PIKFYVE: variants seen among roughly 807,000 people sequenced by gnomAD.
The protein encoded by PIKFYVE is 1-phosphatidylinositol 3-phosphate 5-kinase.
In PIKFYVE, 122 loss-of-function variants were observed where a neutral mutation model predicts 257.9. That is an observed-to-expected ratio of 0.47 (90% CI 0.41 to 0.55). The LOEUF is 0.55. Ranked by LOEUF, PIKFYVE falls within the 20% of genes least tolerant of loss-of-function variation. The pLI is 0.00. For synonymous variants in PIKFYVE, 892 were observed against 868.9 expected (o/e 1.03, Z -0.47); for missense variants, 2,160 against 2,536.6 (o/e 0.85, Z 3.19).
chr2:208,323,128 A>G (rs1696487085), intron 17 of PIKFYVE, among the ~76,000 whole-genome samples: 1 of 147,956 alleles, frequency 6.8e-6, no homozygotes, highest in African/African-American at 2.5e-5. Context: ...GTAGTAGTAT[A>G]CTTTAAGTTT....
At chr2:208,318,820 G>A (rs192435194) in intron 16 of PIKFYVE, among the ~76,000 whole-genome samples, 16 of 152,100 alleles carry the variant, frequency 1.1e-4, no homozygotes, top group Non-Finnish European at 5.9e-5. Context: ...GCGTGGTGGC[G>A]TGTGCCTGTA....
In PIKFYVE at chr2:208,357,131, A is replaced by G. The variant is rs886055545; in HGVS notation, c.*1826A>G. 1 of 152,242 alleles carries G rather than the reference A, an allele frequency of 6.6e-6. No individual in the cohort carries two copies. Among genetic ancestry groups the G allele is most frequent in the Non-Finnish European group, 1.5e-5 (1 of 68,044 alleles). 9.4% of individuals were successfully genotyped at this position (152,242 alleles called of 1,614,324 possible). The stretch of plus-strand genomic sequence containing the variant: ...CCTTTTGAAGATACACAAAACACTG[A>G]GGATTTTAGTTTTGAAATCAAAGAC... On this transcript the variant is annotated 3_prime_UTR_variant, in exon 42 of 42. Transcript: ENST00000264380.
At chr2:208,329,234 A>G (rs1697254656) in intron 21 of PIKFYVE, among the ~76,000 whole-genome samples, 1 of 152,140 alleles carries the variant, frequency 6.6e-6, no homozygotes, top group Admixed American at 6.5e-5. Flanking sequence ...TTAATTTTGG[A>G]TAACTGAAAC....
In PIKFYVE at chr2:208,335,311, C is replaced by T; in HGVS notation, c.4148C>T (p.Ser1383Phe). The change falls in exon 25 of 42, where the codon TCT becomes TTT. Residue 1383 changes from serine to phenylalanine, a missense_variant. Ser to Phe is a radical substitution (Grantham distance 155, BLOSUM62 -2). This residue lies in a region of PIKFYVE where 699 missense variants were observed against 855.8 expected (regional missense o/e 0.82). Transcript: ENST00000264380. Reference protein sequence around the residue: ...YNQMVASFSYSPIRLLEVCVP... With the variant: ...YNQMVASFSYFPIRLLEVCVP... ...TCCTTGTATTTTCTTCTCAGTTATT[C>T]TCCCATTCGGCTTCTTGAAGTATGT... is the stretch of plus-strand genomic sequence containing the variant. 1.9e-6 allele frequency: 3 copies of T among 1,594,418 alleles called. No homozygotes were observed. The highest frequency in any genetic ancestry group is 2.6e-6 in the Non-Finnish European group (3 of 1,162,318).
rs1688821276 is a variant in PIKFYVE at position 208,267,568 on chromosome 2, G to A, written c.-10+1153G>A. ...GTCCCCCAGGTTGGAGTGCAGTGGC[G>A]CGATCTCCTCCGACTGCAACCTCCG... is the stretch of plus-strand genomic sequence containing the variant. On this transcript the variant is annotated intron_variant, in intron 1 of 41. Transcript: ENST00000264380. Among the ~76,000 whole-genome samples the A allele has an allele frequency of 4.1e-5, 6 of 144,674 alleles. No individual in the cohort carries two copies. The South Asian group carries it at 1.3e-3, about 31-fold the overall frequency. 94.9% of individuals were successfully genotyped at this position (144,674 alleles called of 152,430 possible). A position where few individuals can be genotyped will look rare whatever the true frequency, so the allele number is the denominator to read the frequency against.
At chr2:208,342,779 T>C in intron 32 of PIKFYVE, 130 bp downstream of exon 32, 2 of 689,634 alleles carry the variant, frequency 2.9e-6, no homozygotes, top group South Asian at 3.5e-5. Flanking sequence ...TGTTCTTTAG[T>C]CGTGATAGCT....
chr2:208,346,274 A>C lies in PIKFYVE; in HGVS notation c.5209+127A>C, dbSNP rs114915092. 844 of 817,320 alleles carry C rather than the reference A, an allele frequency of 1.0e-3. 9 individuals are homozygous for C. In the African/African-American group the frequency reaches 0.013, roughly 13 times the overall value. The allele number at this position is 817,320 out of a possible 1,614,324, so 50.6% of individuals were successfully genotyped here. ...TTACTACTTATGATCTCTGAAATACAAATTTAGATATTTTTGTATGCCCTC... is the reference window on the plus strand; with the variant it reads ...TTACTACTTATGATCTCTGAAATACCAATTTAGATATTTTTGTATGCCCTC... On this transcript the variant is annotated intron_variant, in intron 34 of 41. Transcript: ENST00000264380.
chr2:208,305,817 A>G (rs1694253345), intron 12 of PIKFYVE, among the ~76,000 whole-genome samples: 1 of 152,180 alleles, frequency 6.6e-6, no homozygotes, highest in African/African-American at 2.4e-5. Context: ...GTAAATAAAT[A>G]AATGTGGGAT....
intron 34 of PIKFYVE, among the ~76,000 whole-genome samples, chr2:208,346,598 A>C (rs538290823): frequency 6.6e-6 from 1 of 152,338 alleles, no homozygotes; most frequent in East Asian, 1.9e-4. Flanking sequence ...CTTAAAATTT[A>C]GATTTAGTAA....
chr2:208,336,331 G>C, intron 27 of PIKFYVE, 131 bp downstream of exon 27: 1 of 982,634 alleles, frequency 1.0e-6, no homozygotes. Flanking sequence ...TTTGTTTCCT[G>C]TCACTCTCCT....
At chr2:208,330,033 G>GATCCT in intron 22 of PIKFYVE, 120 bp downstream of exon 22, 2 of 1,329,384 alleles carry the variant, frequency 1.5e-6, no homozygotes, top group Non-Finnish European at 2.1e-6. Context: ...CTTTCATAGT[G>GATCCT]CATATCAGAG....
chr2:208,330,736 CTTT>C, intron 23 of PIKFYVE, 42 bp downstream of exon 23: 1 of 1,542,684 alleles, frequency 6.5e-7, no homozygotes, highest in South Asian at 1.2e-5. Context: ...CCATTTATTT[CTTT>C]ATTTGTATGT....
intron 13 of PIKFYVE, 68 bp downstream of exon 13, chr2:208,312,363 G>C: frequency 8.1e-7 from 1 of 1,241,168 alleles, no homozygotes. Context: ...TTAGGGCTTA[G>C]CACATTGATT....
chr2:208,276,769 A>C lies in PIKFYVE; in HGVS notation c.380A>C (p.Gln127Pro), dbSNP rs1420031393. Residue 127 changes from glutamine (Q) to proline (P), a missense_variant, in exon 4 of 42, where the codon CAG becomes CCG. Physicochemically the swap from Gln to Pro is moderately conservative, Grantham distance 76. Transcript: ENST00000264380. The stretch of plus-strand genomic sequence containing the variant: ...GGTCATGACCCTCGTACAGCTGTTC[A>C]GCTTCGAAGCCTCAGCACAGTATTA... ...FGGHDPRTAV[Q>P]LRSLSTVLKR... 4 of 1,613,658 alleles carry C rather than the reference A, an allele frequency of 2.5e-6. No individual in the cohort carries two copies. Among genetic ancestry groups the C allele is most frequent in the Non-Finnish European group, 3.4e-6 (4 of 1,179,714 alleles).
chr2:208,286,314 A>G (rs2125154949), intron 6 of PIKFYVE, among the ~76,000 whole-genome samples: 1 of 152,300 alleles, frequency 6.6e-6, no homozygotes, highest in Non-Finnish European at 1.5e-5. Context: ...CTTCTGTGAG[A>G]AGAAGAATGC....
At chr2:208,294,219 T>G (rs1363408035) in intron 7 of PIKFYVE, among the ~76,000 whole-genome samples, 1 of 152,258 alleles carries the variant, frequency 6.6e-6, no homozygotes, top group East Asian at 1.9e-4. Flanking sequence ...AAAGGCACTC[T>G]TCTTTAATGT....
At chr2:208,298,815 T>A (rs1226772337) in intron 8 of PIKFYVE, 36 bp downstream of exon 8, 4 of 1,612,420 alleles carry the variant, frequency 2.5e-6, no homozygotes, top group Middle Eastern at 1.7e-4. Context: ...TTGCTAGTTT[T>A]GAGCATAGAG....
At chr2:208,323,804 A>G (rs1183707158) in intron 17 of PIKFYVE, among the ~76,000 whole-genome samples, 1 of 152,098 alleles carries the variant, frequency 6.6e-6, no homozygotes. Flanking sequence ...TTGCCATTCT[A>G]TCTGGTGTGA....
rs550108731 is a variant in PIKFYVE, at chr2:208,339,518, A to G, written c.4773A>G (p.Gly1591=). ...AAGTCATGTCTGAACAGTCAGTGGG[A>G]GGGCCCCCTGAGCTAGATACAGCCA... ...PPEVMSEQSV[G]GPPELDTASS... The change falls in exon 30 of 42, where the codon GGA becomes GGG. Residue 1591 remains glycine, a synonymous_variant. Coordinates refer to ENST00000264380, the MANE Select transcript of PIKFYVE (RefSeq NM_015040.4). 2 of 1,614,084 alleles carry G rather than the reference A, an allele frequency of 1.2e-6. No homozygotes were observed. The highest frequency in any genetic ancestry group is 1.7e-6 in the Non-Finnish European group (2 of 1,179,968).
Sources: gnomAD v4.1 joint callset for allele counts (sites outside exome capture counted in the v4.1 genomes callset) on GRCh38, gnomAD v4.1.1 for gene constraint, gnomAD v4.1.1 regional missense constraint, MANE v1.5 for transcripts, NCBI Gene and HGNC (gene_info 2026-07-23, HGNC 2026-07-21) for gene names.